IQSEC2: variants seen among roughly 807,000 people sequenced by gnomAD.
IQSEC2 encodes IQ motif and SEC7 domain-containing protein 2.
Under a neutral mutation model 74.6 loss-of-function variants are expected in IQSEC2, and 6 were observed. The ratio of observed to expected loss-of-function variants is 0.08; its 90% CI spans 0.04 to 0.16. The LOEUF is 0.16. Ranked by LOEUF, IQSEC2 falls within the 10% of genes least tolerant of loss-of-function variation. The probability of loss-of-function intolerance (pLI) is 1.00; values close to 1 mark genes in which losing one functional copy is unlikely to be tolerated. For synonymous variants in IQSEC2, 494 were observed against 544.5 expected (o/e 0.91, Z 1.29); for missense variants, 734 against 1,306.2 (o/e 0.56, Z 6.75).
Position 53,281,358 on chromosome X carries a change from C to A in IQSEC2, c.737+10537G>T, listed in dbSNP as rs782168379. On this transcript the variant is annotated intron_variant, in intron 2 of 14. Coordinates refer to ENST00000642864, the MANE Select transcript of IQSEC2 (RefSeq NM_001111125.3). ...TCCCACTTGAACTGGCTCCCTCCCC[C>A]AGGCCAAAGGCCTCTCAGAGTCCAA... 84 of 393,837 alleles carry A rather than the reference C, an allele frequency of 2.1e-4. 1 individual carries two copies. The highest frequency in any genetic ancestry group is 1.9e-3 in the African/African-American group (74 of 38,851). The allele number at this position is 393,837 out of a possible 1,213,427, so 32.5% of individuals were successfully genotyped here. A position where few individuals can be genotyped will look rare whatever the true frequency, so the allele number is the denominator to read the frequency against.
intron 2 of IQSEC2, among the ~76,000 whole-genome samples, chrX:53,267,847 A>T (rs1158230123): frequency 8.9e-6 from 1 of 112,018 alleles, no homozygotes; most frequent in African/African-American, 3.2e-5. Flanking sequence ...GGACTGTTGC[A>T]AGAACTAGAA....
intron 1 of IQSEC2, among the ~76,000 whole-genome samples, chrX:53,302,863 G>A (rs187192615): frequency 9.0e-6 from 1 of 110,945 alleles, no homozygotes; most frequent in African/African-American, 3.3e-5. Flanking sequence ...CTTGAGCCCA[G>A]GTCGAGACCA....
At position 53,256,078 on chromosome X, in the gene IQSEC2, AGATGAGCCAG is replaced by A; in HGVS notation, c.738-27_738-18del. The stretch of plus-strand genomic sequence containing the variant: ...CCCTCCACACTGTGGGGATGAGATA[AGATGAGCCAG>A]GATGTGGGGACAGGACAGGGGCCTA... On this transcript the variant is annotated intron_variant, in intron 2 of 14. Coordinates refer to ENST00000642864, the MANE Select transcript of IQSEC2 (RefSeq NM_001111125.3). 6 of 1,153,526 alleles carry A rather than the reference AGATGAGCCAG, an allele frequency of 5.2e-6. No homozygotes were observed. The highest frequency in any genetic ancestry group is 6.9e-6 in the Non-Finnish European group (6 of 865,574).
intron 1 of IQSEC2, among the ~76,000 whole-genome samples, chrX:53,310,349 T>C (rs782496914): frequency 8.9e-4 from 98 of 109,850 alleles, no homozygotes; most frequent in Non-Finnish European, 1.5e-3. Flanking sequence ...GCACCACTGT[T>C]CTCCAGCCTG....
At chrX:53,308,735 T>C in intron 1 of IQSEC2, among the ~76,000 whole-genome samples, 1 of 109,834 alleles carries the variant, frequency 9.1e-6, no homozygotes, top group Non-Finnish European at 1.9e-5. Flanking sequence ...AAGAAGTCAG[T>C]TTAAAATAGT....
At chrX:53,285,120 C>A (rs937536128) in intron 2 of IQSEC2, among the ~76,000 whole-genome samples, 2 of 112,193 alleles carry the variant, frequency 1.8e-5, no homozygotes, top group African/African-American at 3.2e-5. Context: ...TTTGCCCCAC[C>A]CAACCCCTCC....
At position 53,306,556 on chromosome X, in the gene IQSEC2, C is replaced by T. The variant is rs781905024; in HGVS notation, c.707+13861G>A. Among the ~76,000 whole-genome samples the T allele has an allele frequency of 6.3e-5, 7 of 111,324 alleles. No homozygotes were observed. In the East Asian group the frequency reaches 1.7e-3, roughly 27 times the overall value. On this transcript the variant is annotated intron_variant, in intron 1 of 14. Transcript: ENST00000642864. ...CATCCAGGCTTGGCTATGTGGGGGG[C>T]CTACTAATAGTTTCCAGTTTCAGTC...
Position 53,233,701 on chromosome X carries a change from G to A in IQSEC2, c.*518C>T, listed in dbSNP as rs1378893062. On this transcript the variant is annotated 3_prime_UTR_variant, in exon 15 of 15. Coordinates refer to ENST00000642864, the MANE Select transcript of IQSEC2 (RefSeq NM_001111125.3). ...AGCAGGCAAAAAGACACATGGAAGT[G>A]TGTGGCCAGGCCCTGAGGTCAGAGA... is the stretch of plus-strand genomic sequence containing the variant. 1.0e-5 allele frequency: 3 copies of A among 291,484 alleles called. No homozygotes were observed. The highest frequency in any genetic ancestry group is 1.2e-5 in the Non-Finnish European group (2 of 166,437). 24.0% of individuals were successfully genotyped at this position (291,484 alleles called of 1,213,427 possible).
intron 2 of IQSEC2, among the ~76,000 whole-genome samples, chrX:53,284,782 A>C (rs2075009332): frequency 8.9e-6 from 1 of 111,751 alleles, no homozygotes; most frequent in Non-Finnish European, 1.9e-5. Flanking sequence ...CAATGGACAG[A>C]GGTGGAGGCT....
chrX:53,317,017 G>A (rs1163115390), intron 1 of IQSEC2, among the ~76,000 whole-genome samples: 7 of 110,278 alleles, frequency 6.3e-5, no homozygotes, highest in African/African-American at 2.0e-4. Context: ...TGCAAAGAGC[G>A]TGGGAAACGC....
intron 1 of IQSEC2, among the ~76,000 whole-genome samples, chrX:53,304,368 A>G (rs2075240455): frequency 8.9e-6 from 1 of 111,930 alleles, no homozygotes; most frequent in South Asian, 3.7e-4. Context: ...ACAATCCTGA[A>G]GGCAAAGATG....
intron 2 of IQSEC2, among the ~76,000 whole-genome samples, chrX:53,271,931 G>A (rs1556868730): frequency 1.8e-5 from 2 of 111,683 alleles, no homozygotes; most frequent in Admixed American, 1.9e-4. Context: ...GTATATGAAT[G>A]CAACATTTTG....
chrX:53,231,713 TG>T (rs2074065660), downstream of IQSEC2: 1 of 111,989 alleles, frequency 8.9e-6, no homozygotes, highest in Admixed American at 9.4e-5. Context: ...TCGTGCAGCT[TG>T]GTCCAGCAGG....
At position 53,320,500 on chromosome X, in the gene IQSEC2, G is replaced by T; in HGVS notation, c.624C>A (p.Gly208=). 1 of 1,163,574 alleles carries T rather than the reference G, an allele frequency of 8.6e-7. No homozygotes were observed. ...CGCCGGGACTGGAGCTCCTGGATGC[G>T]CCACGGCTCAGCTGGCCCCGCTCCC... The part of the protein sequence containing the change: ...PPRERGQLSR[G]ASRSSSPGAG... Residue 208 remains glycine, a synonymous_variant, in exon 1 of 15, where the codon GGC becomes GGA. Coordinates refer to ENST00000642864, the MANE Select transcript of IQSEC2 (RefSeq NM_001111125.3).
At chrX:53,273,299 C>T (rs1444635456) in intron 2 of IQSEC2, among the ~76,000 whole-genome samples, 1 of 110,561 alleles carries the variant, frequency 9.0e-6, no homozygotes, top group African/African-American at 3.3e-5. Context: ...GCCTTCTGGG[C>T]CTACTTCTGT....
chrX:53,229,416 C>T (rs1723216568), downstream of IQSEC2: 1 of 112,161 alleles, frequency 8.9e-6, no homozygotes, highest in African/African-American at 3.2e-5. Flanking sequence ...TAAGACATGC[C>T]CAGGCTGGGG....
In IQSEC2 at chrX:53,292,796, C is replaced by T. The variant is rs782091462; in HGVS notation, c.708-872G>A. On this transcript the variant is annotated intron_variant, in intron 1 of 14. Coordinates refer to ENST00000642864, the MANE Select transcript of IQSEC2 (RefSeq NM_001111125.3). ...ACGTGTGTACACGTGTGTGTATGTG[C>T]GCGCGCACGTGTGTGTGTGTGTACG... is the stretch of plus-strand genomic sequence containing the variant. Among the ~76,000 whole-genome samples, 6 of 111,387 alleles carry T rather than the reference C, an allele frequency of 5.4e-5. No homozygotes were observed. In the East Asian group the frequency reaches 1.1e-3, roughly 21 times the overall value.
chrX:53,310,051 A>G (rs781843865), intron 1 of IQSEC2, among the ~76,000 whole-genome samples: 122 of 111,464 alleles, frequency 1.1e-3, no homozygotes, highest in Non-Finnish European at 2.1e-3. Context: ...CTATTTACGG[A>G]GCACCTACAG....
chrX:53,270,393 C>G (rs1426548729), intron 2 of IQSEC2, among the ~76,000 whole-genome samples: 1 of 111,184 alleles, frequency 9.0e-6, no homozygotes, highest in Non-Finnish European at 1.9e-5. Flanking sequence ...GCTCCCCAAA[C>G]AGACCAAACA....
Sources: allele counts gnomAD v4.1 joint callset (sites outside exome capture counted in the v4.1 genomes callset), GRCh38; gene constraint gnomAD v4.1.1; transcripts MANE v1.5; gene names NCBI Gene and HGNC (gene_info 2026-07-23, HGNC 2026-07-21).